The following LNPK variants were observed in gnomAD, a reference collection of about 807,000 sequenced individuals.
The protein encoded by LNPK is lunapark, ER junction formation factor.
Under a neutral mutation model 55.2 loss-of-function variants are expected in LNPK, and 29 were observed. The observed-to-expected ratio is 0.53, with a 90% CI of 0.39 to 0.72. LNPK has a LOEUF of 0.72. Ranked by LOEUF, LNPK falls within the 30% of genes least tolerant of loss-of-function variation. LNPK has a pLI of 0.00. For missense variants in LNPK, 467 were observed against 494.8 expected (o/e 0.94, Z 0.53); for synonymous variants, 162 against 168.2 (o/e 0.96, Z 0.29).
chr2:175,939,128 G>A (rs1330886700), intron 10 of LNPK, among the ~76,000 whole-genome samples: 1 of 151,864 alleles, frequency 6.6e-6, no homozygotes, highest in Non-Finnish European at 1.5e-5. Context: ...GATCTTCCTA[G>A]AGTTATTTTA....
chr2:175,973,798 TTTAA>T (rs1411500936), intron 5 of LNPK, among the ~76,000 whole-genome samples: 4 of 152,228 alleles, frequency 2.6e-5, no homozygotes, highest in Non-Finnish European at 5.9e-5. Context: ...TGCCTTGTTC[TTTAA>T]TTGACTACTC....
chr2:175,948,916 G>A (rs1056909951), intron 8 of LNPK, among the ~76,000 whole-genome samples: 4 of 152,054 alleles, frequency 2.6e-5, no homozygotes, highest in Non-Finnish European at 5.9e-5. Context: ...ACTTCAGATA[G>A]GTTACTTAAC....
In LNPK at chr2:175,926,667, TGCCTGGC is replaced by T. The variant is rs1455301998; in HGVS notation, c.*3293_*3299del. ...AATATATATACAGCAGTTAGCATGT[TGCCTGGC>T]ACAGAATAAGAATGCAAATGTTTAT... On this transcript the variant is annotated 3_prime_UTR_variant, in exon 13 of 13. Coordinates refer to ENST00000272748, the MANE Select transcript of LNPK (RefSeq NM_030650.3). 3 of 152,238 alleles carry T rather than the reference TGCCTGGC, an allele frequency of 2.0e-5. No individual in the cohort carries two copies. The highest frequency in any genetic ancestry group is 7.2e-5 in the African/African-American group (3 of 41,460). 9.4% of individuals were successfully genotyped at this position (152,238 alleles called of 1,614,324 possible). A position where few individuals can be genotyped will look rare whatever the true frequency, so the allele number is the denominator to read the frequency against.
At chr2:175,975,603 C>T (rs2105668461) in intron 5 of LNPK, among the ~76,000 whole-genome samples, 1 of 152,256 alleles carries the variant, frequency 6.6e-6, no homozygotes, top group Middle Eastern at 3.4e-3. Context: ...GTAAACAATC[C>T]AATTATACTC....
At chr2:175,938,272 A>C in intron 11 of LNPK, 41 bp downstream of exon 11, 1 of 1,191,496 alleles carries the variant, frequency 8.4e-7, no homozygotes, top group Non-Finnish European at 1.2e-6. Flanking sequence ...TAAAATATTT[A>C]AGCATAAAAT....
At chr2:175,930,731 CA>C (rs1265421942) in intron 12 of LNPK, among the ~76,000 whole-genome samples, 1 of 151,964 alleles carries the variant, frequency 6.6e-6, no homozygotes, top group African/African-American at 2.4e-5. Flanking sequence ...CTCTATTATC[CA>C]AAAACTGGGA....
At chr2:175,963,322 T>C (rs912490291) in intron 8 of LNPK, among the ~76,000 whole-genome samples, 2 of 152,132 alleles carry the variant, frequency 1.3e-5, no homozygotes, top group African/African-American at 2.4e-5. Flanking sequence ...CCAACAATGA[T>C]TGACTGGATT....
chr2:175,995,372 A>G (rs142248056), intron 2 of LNPK, among the ~76,000 whole-genome samples, 186 bp downstream of exon 2: 12 of 152,348 alleles, frequency 7.9e-5, no homozygotes, highest in African/African-American at 2.9e-4. Flanking sequence ...GAGGCATTGG[A>G]CACCTACAGA....
intron 9 of LNPK, among the ~76,000 whole-genome samples, chr2:175,939,905 C>T (rs112811736): frequency 2.0e-5 from 3 of 152,056 alleles, no homozygotes; most frequent in Non-Finnish European, 4.4e-5. Context: ...TAGATTCCTA[C>T]ATAACTACTA....
At chr2:175,937,558 A>AAAGTTC in intron 11 of LNPK, 44 bp from the exon 12 acceptor site, 1 of 1,448,068 alleles carries the variant, frequency 6.9e-7, no homozygotes, top group South Asian at 1.2e-5. Context: ...CAAACCAAGC[A>AAAGTTC]AAGTTCAAGA....
chr2:176,000,572 G>A lies in LNPK; in HGVS notation c.-63+1588C>T, dbSNP rs754588959. ...AAATAGATTGCTCTCATTTTCTCTA[G>A]TATAAGAAATAGAGCAAAAAATTCT... On this transcript the variant is annotated intron_variant, in intron 1 of 12. Coordinates refer to ENST00000272748, the MANE Select transcript of LNPK (RefSeq NM_030650.3). 2.0e-4 allele frequency among the ~76,000 whole-genome samples: 31 copies of A among 152,232 alleles called. No individual in the cohort carries two copies. In the Middle Eastern group the frequency reaches 0.01, roughly 50 times the overall value.
At chr2:175,964,917 A>G (rs964362544) in intron 6 of LNPK, among the ~76,000 whole-genome samples, 2 of 152,186 alleles carry the variant, frequency 1.3e-5, no homozygotes, top group African/African-American at 4.8e-5. Flanking sequence ...CATGACAAGC[A>G]AATGACAGGC....
intron 6 of LNPK, among the ~76,000 whole-genome samples, chr2:175,966,868 C>CA (rs1333415664): frequency 1.8e-4 from 27 of 152,200 alleles, no homozygotes; most frequent in African/African-American, 6.5e-4. Context: ...TTCTTCATAG[C>CA]ACTACTGTGC....
At chr2:175,931,722 T>C (rs1286587341) in intron 12 of LNPK, among the ~76,000 whole-genome samples, 2 of 152,178 alleles carry the variant, frequency 1.3e-5, no homozygotes, top group Non-Finnish European at 2.9e-5. Flanking sequence ...TGGAATTTTA[T>C]AAAAATCCAA....
chr2:175,967,979 T>G (rs1375788695), intron 6 of LNPK, among the ~76,000 whole-genome samples: 1 of 152,228 alleles, frequency 6.6e-6, no homozygotes, highest in African/African-American at 2.4e-5. Flanking sequence ...ACGCACAGGA[T>G]TTGTACAAAA....
intron 4 of LNPK, among the ~76,000 whole-genome samples, chr2:175,980,663 T>C (rs1206072611): frequency 2.0e-5 from 3 of 152,128 alleles, no homozygotes; most frequent in African/African-American, 7.2e-5. Context: ...TCCCAGCACT[T>C]TGGGAGGCCA....
At chr2:175,990,366 GCTCC>G (rs1332406468) in intron 4 of LNPK, among the ~76,000 whole-genome samples, 1 of 152,108 alleles carries the variant, frequency 6.6e-6, no homozygotes, top group African/African-American at 2.4e-5. Flanking sequence ...GCATATGCTG[GCTCC>G]CTGTCACCTT....
At chr2:175,934,027 C>G (rs1020813967) in intron 12 of LNPK, among the ~76,000 whole-genome samples, 5 of 152,070 alleles carry the variant, frequency 3.3e-5, no homozygotes, top group African/African-American at 1.2e-4. Context: ...CGTGCCTGGC[C>G]AAGAGTTTAA....
chr2:175,985,218 A>G (rs1180709187), intron 4 of LNPK, among the ~76,000 whole-genome samples: 1 of 152,230 alleles, frequency 6.6e-6, no homozygotes, highest in Non-Finnish European at 1.5e-5. Context: ...GAAGATGTGT[A>G]TGGCTATAAA....
Sources: allele counts gnomAD v4.1 joint callset (sites outside exome capture counted in the v4.1 genomes callset), GRCh38; gene constraint gnomAD v4.1.1; transcripts MANE v1.5; gene names NCBI Gene and HGNC (gene_info 2026-07-23, HGNC 2026-07-21).